The following MED27 variants were observed in gnomAD, a reference collection of about 807,000 sequenced individuals.
The protein encoded by MED27 is mediator of RNA polymerase II transcription subunit 27.
In MED27, 30 loss-of-function variants were observed where a neutral mutation model predicts 38.2. That is an observed-to-expected ratio of 0.79 (90% confidence interval 0.59 to 1.07). The LOEUF is 1.07. Ranked by LOEUF, MED27 falls within the 50% of genes least tolerant of loss-of-function variation. The pLI, the probability that MED27 is intolerant of heterozygous loss-of-function variation, is 0.00. For synonymous variants in MED27, 122 were observed against 153.5 expected, an observed-to-expected ratio of 0.79 and a Z score of 1.52; for missense variants, 289 against 397.5, an observed-to-expected ratio of 0.73 and a Z score of 2.32.
At chr9:131,957,386 C>T (rs1397449330) in intron 3 of MED27, among the ~76,000 whole-genome samples, 1 of 152,054 alleles carries the variant, frequency 6.6e-6, no homozygotes, top group African/African-American at 2.4e-5. Context: ...TCCTGAGTAG[C>T]TGGGACTACA....
intron 2 of MED27, among the ~76,000 whole-genome samples, chr9:132,056,348 G>A (rs1833576575): frequency 6.6e-6 from 1 of 152,172 alleles, no homozygotes; most frequent in Non-Finnish European, 1.5e-5. Context: ...AACTTCAAAT[G>A]TATAAGGCTG....
In MED27 at chr9:131,924,433, T is replaced by C. The variant is rs552906703; in HGVS notation, c.573+14948A>G. Among the ~76,000 whole-genome samples the C allele has an allele frequency of 3.9e-5, 6 of 152,334 alleles. No homozygotes were observed. The East Asian group carries it at 5.8e-4, about 15-fold the overall frequency. ...CATTTTCTATCCCATTTTTGGTGTT[T>C]TACCCTATATTTTTATGATTTAAAA... On this transcript the variant is annotated intron_variant, in intron 4 of 7. Transcript: ENST00000292035.
chr9:132,025,517 C>T (rs1169408163), intron 2 of MED27, among the ~76,000 whole-genome samples: 2 of 152,178 alleles, frequency 1.3e-5, no homozygotes, highest in African/African-American at 2.4e-5. Flanking sequence ...AAGAGCTAGG[C>T]AGAGAAAGAG....
At chr9:131,906,199 G>C (rs537265422) in intron 4 of MED27, among the ~76,000 whole-genome samples, 1 of 152,340 alleles carries the variant, frequency 6.6e-6, no homozygotes, top group South Asian at 2.1e-4. Context: ...TGGAGACTGA[G>C]CAGGGAATAC....
chr9:131,948,925 A>G (rs1830935643), intron 3 of MED27, among the ~76,000 whole-genome samples: 1 of 152,210 alleles, frequency 6.6e-6, no homozygotes, highest in African/African-American at 2.4e-5. Flanking sequence ...AGCAAATAAA[A>G]GCTACCCCTC....
chr9:131,970,034 C>A (rs1486601253), intron 3 of MED27, among the ~76,000 whole-genome samples: 4 of 152,138 alleles, frequency 2.6e-5, no homozygotes, highest in African/African-American at 9.7e-5. Flanking sequence ...CCACAAGATC[C>A]CAAGATCTCC....
intron 3 of MED27, among the ~76,000 whole-genome samples, chr9:131,953,762 T>C (rs10121309): frequency 0.041 from 6,237 of 152,128 alleles, 235 homozygotes; most frequent in African/African-American, 0.1. Flanking sequence ...TTTTGCCTTG[T>C]TCGTAAATTG....
chr9:131,868,580 A>G, intron 6 of MED27: 1 of 985,384 alleles, frequency 1.0e-6, no homozygotes, highest in Non-Finnish European at 1.2e-6. Flanking sequence ...CCGGCCCACT[A>G]TTCTGATTTA....
chr9:132,050,496 C>T (rs550475467), intron 2 of MED27, among the ~76,000 whole-genome samples: 3 of 152,138 alleles, frequency 2.0e-5, no homozygotes, highest in Admixed American at 6.5e-5. Context: ...TGAAGACAGT[C>T]GCTCTGTAAA....
intron 3 of MED27, among the ~76,000 whole-genome samples, chr9:132,000,083 TGATCAAAAGTAAAATC>T (rs1832188287): frequency 5.7e-5 from 4 of 70,430 alleles, no homozygotes; most frequent in East Asian, 3.9e-4. Context: ...AAATCACTTT[TGATCAAAAGTAAAATC>T]ACTTTTGATC....
At chr9:132,004,566 C>T (rs567539778) in intron 3 of MED27, among the ~76,000 whole-genome samples, 311 of 152,304 alleles carry the variant, frequency 2.0e-3, no homozygotes, top group African/African-American at 7.3e-3. Context: ...CTCTGCCTGG[C>T]TCTGGGGCCC....
chr9:131,960,868 C>T (rs1831201222), intron 3 of MED27, among the ~76,000 whole-genome samples: 1 of 152,062 alleles, frequency 6.6e-6, no homozygotes, highest in South Asian at 2.1e-4. Context: ...TATCCTCAGT[C>T]GATGAGAATA....
Position 131,900,647 on chromosome 9 carries a change from T to C in MED27, c.574-6655A>G, listed in dbSNP as rs370101777. 8.6e-5 allele frequency among the ~76,000 whole-genome samples: 13 copies of C among 152,004 alleles called. No homozygotes were observed. In the East Asian group the frequency reaches 1.7e-3, roughly 20 times the overall value. ...CCTGCACGAGGAACCCGGGGCCAGATAGCATCCCCAACCTGGCAGAAAGCA... is the reference window on the plus strand; with the variant it reads ...CCTGCACGAGGAACCCGGGGCCAGACAGCATCCCCAACCTGGCAGAAAGCA... On this transcript the variant is annotated intron_variant, in intron 4 of 7. Coordinates refer to ENST00000292035, the MANE Select transcript of MED27 (RefSeq NM_004269.4).
chr9:131,953,802 A>G (rs10120654), intron 3 of MED27, among the ~76,000 whole-genome samples: 5,319 of 149,206 alleles, frequency 0.036, 151 homozygotes, highest in African/African-American at 0.085. Context: ...CTCTAAATAA[A>G]TCTTCACTTT....
chr9:132,034,287 GAA>G, intron 2 of MED27, among the ~76,000 whole-genome samples: 1 of 152,278 alleles, frequency 6.6e-6, no homozygotes, highest in African/African-American at 2.4e-5. Context: ...AGGGAGCAAA[GAA>G]AGAGGAGTTT....
At chr9:131,976,805 T>C (rs1344522171) in intron 3 of MED27, among the ~76,000 whole-genome samples, 1 of 152,208 alleles carries the variant, frequency 6.6e-6, no homozygotes, top group Non-Finnish European at 1.5e-5. Flanking sequence ...AGCAGTAAAC[T>C]AAGCTGGTCC....
chr9:131,899,579 C>T (rs1171715493), intron 4 of MED27, among the ~76,000 whole-genome samples: 1 of 152,154 alleles, frequency 6.6e-6, no homozygotes, highest in African/African-American at 2.4e-5. Flanking sequence ...TTGAAGGAGG[C>T]GATCCATGTA....
chr9:131,901,157 C>T (rs1236187941), intron 4 of MED27, among the ~76,000 whole-genome samples: 1 of 152,020 alleles, frequency 6.6e-6, no homozygotes, highest in Non-Finnish European at 1.5e-5. Flanking sequence ...CTGGCGGGCA[C>T]ACCCAAAGGA....
At chr9:132,066,330 AC>A (rs1411046869) in intron 2 of MED27, among the ~76,000 whole-genome samples, 1 of 152,186 alleles carries the variant, frequency 6.6e-6, no homozygotes, top group African/African-American at 2.4e-5. Context: ...GGCACAGCTG[AC>A]CTCTGCAGGC....
Sources: allele counts gnomAD v4.1 joint callset (sites outside exome capture counted in the v4.1 genomes callset), GRCh38; gene constraint gnomAD v4.1.1; transcripts MANE v1.5; gene names NCBI Gene and HGNC (gene_info 2026-07-23, HGNC 2026-07-21).